The following SNTA1 variants were observed in gnomAD, a reference collection of about 807,000 sequenced individuals.
SNTA1 encodes syntrophin alpha 1.
A neutral mutation model predicts 47.1 loss-of-function variants in SNTA1; 31 were observed. The ratio of observed to expected loss-of-function variants is 0.66; its 90% confidence interval spans 0.49 to 0.89. SNTA1 has a LOEUF of 0.89. SNTA1 is among the 40% of genes least tolerant of loss of function. The probability of loss-of-function intolerance (pLI) is 0.00; values close to 1 mark genes in which losing one functional copy is unlikely to be tolerated. For missense variants in SNTA1, 575 were observed against 693.0 expected, an observed-to-expected ratio of 0.83 and a Z score of 1.91; for synonymous variants, 300 against 313.6, an observed-to-expected ratio of 0.96 and a Z score of 0.46.
Position 33,408,908 on chromosome 20 carries a change from G to A in SNTA1, c.1238-20C>T, listed in dbSNP as rs778317611. ...TGCAGGCTGCAGGGAGGGCACATAG[G>A]TACAGGCACAGCTGGCACCTCAGAG... On this transcript the variant is annotated intron_variant, in intron 6 of 7. Coordinates refer to ENST00000217381, the MANE Select transcript of SNTA1 (RefSeq NM_003098.3). 2 of 1,610,278 alleles carry A rather than the reference G, an allele frequency of 1.2e-6. No individual in the cohort carries two copies. The highest frequency in any genetic ancestry group is 1.1e-5 in the South Asian group (1 of 90,958).
At chr20:33,418,792 CAAAAAAAAAA>C (rs760390793) in intron 2 of SNTA1, among the ~76,000 whole-genome samples, 26,557 of 56,636 alleles carry the variant, frequency 0.47, 4,667 homozygotes, top group Non-Finnish European at 0.54. Flanking sequence ...GACTCTGTCT[CAAAAAAAAAA>C]AAAAAAAAAA....
chr20:33,443,461 CG>C lies in SNTA1; in HGVS notation c.159del (p.Gly54AlafsTer35). 7.3e-7 allele frequency: 1 copy of C among 1,369,090 alleles called. No individual in the cohort carries two copies. The highest frequency in any genetic ancestry group is 1.7e-5 in the South Asian group (1 of 60,492). The allele number at this position is 1,369,090 out of a possible 1,614,324, so 84.8% of individuals were successfully genotyped here. A position where few individuals can be genotyped will look rare whatever the true frequency, so the allele number is the denominator to read the frequency against. On this transcript the variant is annotated frameshift_variant, in exon 1 of 8. Coordinates refer to ENST00000217381, the MANE Select transcript of SNTA1 (RefSeq NM_003098.3). LOFTEE classifies it high-confidence loss of function. Reference sequence around the variant, plus strand: ...GCGGGCTCCTGCTCCCGCGGAGCGCCGGGCTCGGGACCAGGGTCGCCGTCGG... The same window carrying C: ...GCGGGCTCCTGCTCCCGCGGAGCGCCGGCTCGGGACCAGGGTCGCCGTCGG... Reference protein sequence around the residue: ...SPADGDPGPEPGAPREQEPAQ... With the variant: ...SPADGDPGPEXGAPREQEPAQ...
intron 6 of SNTA1, 67 bp from the exon 7 acceptor site, chr20:33,408,955 C>A: frequency 7.1e-6 from 10 of 1,415,818 alleles, no homozygotes; most frequent in Non-Finnish European, 1.0e-5. Flanking sequence ...ACCTCCAACC[C>A]CCACCGCAGC....
At chr20:33,432,318 A>T (rs531143644) in intron 2 of SNTA1, among the ~76,000 whole-genome samples, 2 of 152,376 alleles carry the variant, frequency 1.3e-5, no homozygotes, top group African/African-American at 4.8e-5. Context: ...AGCTGGCCTT[A>T]GAGTTCTGAG....
intron 3 of SNTA1, among the ~76,000 whole-genome samples, chr20:33,413,525 T>G (rs1448790000): frequency 1.3e-5 from 2 of 152,024 alleles, no homozygotes; most frequent in Admixed American, 1.3e-4. Context: ...ATTCCTAATC[T>G]TGCCCCTTTC....
intron 2 of SNTA1, among the ~76,000 whole-genome samples, chr20:33,420,006 C>G (rs1600846842): frequency 1.3e-5 from 2 of 152,168 alleles, no homozygotes; most frequent in South Asian, 4.2e-4. Context: ...TCACTGCAAC[C>G]TCTGCCTCCC....
intron 3 of SNTA1, among the ~76,000 whole-genome samples, chr20:33,414,941 T>C (rs1989836812): frequency 6.6e-6 from 1 of 152,190 alleles, no homozygotes; most frequent in Non-Finnish European, 1.5e-5. Context: ...GTTTCTGTAC[T>C]TGCAGCCCAG....
intron 1 of SNTA1, among the ~76,000 whole-genome samples, chr20:33,442,473 T>C (rs1990602105): frequency 6.6e-6 from 1 of 152,208 alleles, no homozygotes; most frequent in African/African-American, 2.4e-5. Flanking sequence ...GAGTATCTGC[T>C]GGCCTCCATT....
intron 2 of SNTA1, among the ~76,000 whole-genome samples, chr20:33,418,257 CTTTT>C (rs34434208): frequency 1.5e-5 from 2 of 129,750 alleles, no homozygotes; most frequent in Admixed American, 7.9e-5. Flanking sequence ...GGCCATGTGA[CTTTT>C]TTTTTTTTTT....
At position 33,408,205 on chromosome 20, in the gene SNTA1, C is replaced by G. The variant is rs556445722; in HGVS notation, c.*302G>C. On this transcript the variant is annotated 3_prime_UTR_variant, in exon 8 of 8. Transcript: ENST00000217381. ...CTCAGCTGTTGGCTGGGGTCAGGAT[C>G]CGCACAGGGGCAGGTCCCAGACTCG... 9 of 433,226 alleles carry G rather than the reference C, an allele frequency of 2.1e-5. No homozygotes were observed. Among genetic ancestry groups the G allele is most frequent in the African/African-American group, 1.6e-4 (8 of 49,972 alleles). 26.8% of individuals were successfully genotyped at this position (433,226 alleles called of 1,614,324 possible).
chr20:33,416,687 T>C (rs1989884574), intron 3 of SNTA1, among the ~76,000 whole-genome samples: 1 of 152,030 alleles, frequency 6.6e-6, no homozygotes, highest in South Asian at 2.1e-4. Context: ...ACACCTATAA[T>C]CCCAGCACTT....
chr20:33,408,591 G>A lies in SNTA1; in HGVS notation c.1434C>T (p.Asp478=). Residue 478 remains aspartate (D), a synonymous_variant, in exon 8 of 8, where the codon GAC becomes GAT. Coordinates refer to ENST00000217381, the MANE Select transcript of SNTA1 (RefSeq NM_003098.3). ...CTATGGTTTTGGGACACGAGTGCAG[G>A]TCCAGCTGCTGGAGGGTGGATGGAG... ...FGGAEGEIQL[D]LHSCPKTIVF... 1.2e-6 allele frequency: 2 copies of A among 1,613,892 alleles called. No individual in the cohort carries two copies. Among genetic ancestry groups the A allele is most frequent in the Non-Finnish European group, 1.7e-6 (2 of 1,179,786 alleles).
chr20:33,423,818 G>A (rs907724053), intron 2 of SNTA1, among the ~76,000 whole-genome samples: 1 of 152,188 alleles, frequency 6.6e-6, no homozygotes, highest in African/African-American at 2.4e-5. Flanking sequence ...TGAATGTCCT[G>A]GCTGAAGGGA....
chr20:33,419,984 T>A (rs953437198), intron 2 of SNTA1, among the ~76,000 whole-genome samples: 5 of 151,918 alleles, frequency 3.3e-5, no homozygotes, highest in African/African-American at 7.3e-5. Context: ...AGTGCAATGG[T>A]GCAGTATTGG....
At chr20:33,426,856 G>A (rs1990183045) in intron 2 of SNTA1, among the ~76,000 whole-genome samples, 1 of 152,132 alleles carries the variant, frequency 6.6e-6, no homozygotes, top group East Asian at 1.9e-4. Context: ...GAGCCCAGGA[G>A]TTTAAGAGCA....
At chr20:33,435,093 A>G (rs1990408276) in intron 2 of SNTA1, among the ~76,000 whole-genome samples, 1 of 148,378 alleles carries the variant, frequency 6.7e-6, no homozygotes, top group African/African-American at 2.5e-5. Context: ...CCCGTGTTCA[A>G]GATTTTCCTA....
intron 3 of SNTA1, among the ~76,000 whole-genome samples, chr20:33,413,006 G>C (rs1314543346): frequency 6.6e-6 from 1 of 152,104 alleles, no homozygotes; most frequent in Non-Finnish European, 1.5e-5. Context: ...CATATATTTT[G>C]TGGGGTTTTT....
At chr20:33,434,603 A>C (rs1266060665) in intron 2 of SNTA1, among the ~76,000 whole-genome samples, 1 of 152,146 alleles carries the variant, frequency 6.6e-6, no homozygotes, top group East Asian at 1.9e-4. Context: ...AGACATTGCT[A>C]ATCAATTCCA....
chr20:33,443,722 G>A lies in SNTA1; in HGVS notation c.-102C>T, dbSNP rs1254841625. ...GCAGAGGGCAGCGGGGGCCCGGCTGGGCCAGCCGCCACCCTACCCCGGCCG... is the reference window on the plus strand; with the variant it reads ...GCAGAGGGCAGCGGGGGCCCGGCTGAGCCAGCCGCCACCCTACCCCGGCCG... On this transcript the variant is annotated 5_prime_UTR_variant, in exon 1 of 8. Transcript: ENST00000217381. 2 of 721,020 alleles carry A rather than the reference G, an allele frequency of 2.8e-6. No individual in the cohort carries two copies. Among genetic ancestry groups the A allele is most frequent in the East Asian group, 6.3e-5 (1 of 15,842 alleles). The allele number at this position is 721,020 out of a possible 1,614,324, so 44.7% of individuals were successfully genotyped here.
Sources: allele counts gnomAD v4.1 joint callset (sites outside exome capture counted in the v4.1 genomes callset), GRCh38; gene constraint gnomAD v4.1.1; transcripts MANE v1.5; gene names NCBI Gene and HGNC (gene_info 2026-07-23, HGNC 2026-07-21).